Variants in TMEM132D observed in about 807,000 individuals in gnomAD.
The protein encoded by TMEM132D is transmembrane protein 132D.
In TMEM132D, 21 loss-of-function variants were observed where a neutral mutation model predicts 62.3. The observed-to-expected ratio is 0.34, with a 90% CI of 0.24 to 0.49. The LOEUF is 0.49. TMEM132D is among the 20% of genes least tolerant of loss of function. The probability of loss-of-function intolerance (pLI) is 0.99; values close to 1 mark genes in which losing one functional copy is unlikely to be tolerated. For synonymous variants in TMEM132D, 621 were observed against 575.6 expected, an observed-to-expected ratio of 1.08 and a Z score of -1.13; for missense variants, 1,346 against 1,402.8, an observed-to-expected ratio of 0.96 and a Z score of 0.65.
At chr12:129,490,521 C>T (rs570878024) in intron 3 of TMEM132D, among the ~76,000 whole-genome samples, 5 of 145,974 alleles carry the variant, frequency 3.4e-5, no homozygotes, top group Admixed American at 2.8e-4. Context: ...CTCCGCCTCC[C>T]GGGTTCACGC....
chr12:129,171,759 CT>C (rs1877737955), intron 5 of TMEM132D, among the ~76,000 whole-genome samples: 1 of 152,168 alleles, frequency 6.6e-6, no homozygotes, highest in South Asian at 2.1e-4. Flanking sequence ...AGAAGTAGAT[CT>C]CAACAGGTAG....
chr12:129,598,563 T>C (rs1360241673), intron 2 of TMEM132D, among the ~76,000 whole-genome samples: 1 of 152,158 alleles, frequency 6.6e-6, no homozygotes, highest in Non-Finnish European at 1.5e-5. Flanking sequence ...TAAGAAATGC[T>C]ATAATCCTAA....
intron 1 of TMEM132D, among the ~76,000 whole-genome samples, chr12:129,788,301 T>A (rs1871298253): frequency 6.6e-6 from 1 of 152,222 alleles, no homozygotes; most frequent in Admixed American, 6.5e-5. Flanking sequence ...CAAACTCCCC[T>A]GGGATCAATT....
intron 3 of TMEM132D, among the ~76,000 whole-genome samples, chr12:129,349,599 T>A (rs1869800291): frequency 6.6e-6 from 1 of 152,190 alleles, no homozygotes; most frequent in South Asian, 2.1e-4. Flanking sequence ...GTGTCGGGAA[T>A]AATCCAAATA....
chr12:129,828,703 G>A (rs1399761024), intron 1 of TMEM132D, among the ~76,000 whole-genome samples: 3 of 77,232 alleles, frequency 3.9e-5, no homozygotes, highest in African/African-American at 5.1e-5. Flanking sequence ...GAGGGAGGGA[G>A]GGAGAAGGAA....
At chr12:129,115,542 G>T (rs1400431439) in intron 5 of TMEM132D, among the ~76,000 whole-genome samples, 1 of 152,172 alleles carries the variant, frequency 6.6e-6, no homozygotes, top group Admixed American at 6.5e-5. Context: ...GCATATTCCT[G>T]TGTTATTAAA....
chr12:129,633,520 A>G (rs1265264999), intron 2 of TMEM132D, among the ~76,000 whole-genome samples: 1 of 152,148 alleles, frequency 6.6e-6, no homozygotes, highest in Non-Finnish European at 1.5e-5. Context: ...GCTGGTTTGT[A>G]TTTCCTCATG....
Position 129,700,825 on chromosome 12 carries a change from C to T in TMEM132D, c.80-127G>A, listed in dbSNP as rs113598584. ...TCGCGCCAATTATGCAATTCCTTATCCAAACCTCTTAATCCAATCTACTCG... is the reference window on the plus strand; with the variant it reads ...TCGCGCCAATTATGCAATTCCTTATTCAAACCTCTTAATCCAATCTACTCG... On this transcript the variant is annotated intron_variant, in intron 1 of 8. Transcript: ENST00000422113. 4.3e-4 allele frequency: 470 copies of T among 1,080,858 alleles called. No homozygotes were observed. In the African/African-American group the frequency reaches 6.7e-3, roughly 15 times the overall value. The allele number at this position is 1,080,858 out of a possible 1,614,324, so 67.0% of individuals were successfully genotyped here. A position where few individuals can be genotyped will look rare whatever the true frequency, so the allele number is the denominator to read the frequency against.
At chr12:129,839,105 C>T (rs1361019920) in intron 1 of TMEM132D, among the ~76,000 whole-genome samples, 4 of 89,430 alleles carry the variant, frequency 4.5e-5, no homozygotes, top group African/African-American at 1.6e-4. Context: ...CGTCCACCAC[C>T]ACGCCTGGCT....
At chr12:129,582,939 T>TTTTG (rs1251941785) in intron 2 of TMEM132D, among the ~76,000 whole-genome samples, 1 of 151,592 alleles carries the variant, frequency 6.6e-6, no homozygotes, top group African/African-American at 2.4e-5. Flanking sequence ...TTGTTTTTTG[T>TTTTG]TTTGTTTTGG....
At chr12:129,217,796 T>G (rs1879249449) in intron 4 of TMEM132D, among the ~76,000 whole-genome samples, 1 of 152,240 alleles carries the variant, frequency 6.6e-6, no homozygotes, top group Admixed American at 6.5e-5. Context: ...GGATTTGCGT[T>G]ACATATTGAG....
intron 3 of TMEM132D, among the ~76,000 whole-genome samples, chr12:129,345,124 T>C (rs1869640185): frequency 6.6e-6 from 1 of 152,184 alleles, no homozygotes; most frequent in South Asian, 2.1e-4. Context: ...GTCCTTCTCA[T>C]CTAAATCCTC....
At chr12:129,675,200 A>T (rs1381642509) in intron 2 of TMEM132D, among the ~76,000 whole-genome samples, 2 of 152,194 alleles carry the variant, frequency 1.3e-5, no homozygotes, top group African/African-American at 4.8e-5. Flanking sequence ...CAGCCATAAA[A>T]AAATGAGTTC....
intron 1 of TMEM132D, among the ~76,000 whole-genome samples, chr12:129,758,920 A>ATTTC (rs772327892): frequency 3.3e-5 from 5 of 150,844 alleles, no homozygotes; most frequent in East Asian, 3.9e-4. Flanking sequence ...TGTGTGTTTA[A>ATTTC]TTTCTTTCTT....
At chr12:129,759,068 G>A (rs570836740) in intron 1 of TMEM132D, among the ~76,000 whole-genome samples, 1 of 151,992 alleles carries the variant, frequency 6.6e-6, no homozygotes, top group African/African-American at 2.4e-5. Flanking sequence ...CCAGTAGCTG[G>A]GATTACAGGT....
At position 129,371,647 on chromosome 12, in the gene TMEM132D, A is replaced by T. The variant is rs1341736413; in HGVS notation, c.1116-33830T>A. 6.6e-6 allele frequency among the ~76,000 whole-genome samples: 1 copy of T among 151,604 alleles called. No homozygotes were observed. The highest frequency in any genetic ancestry group is 1.5e-5 in the Non-Finnish European group (1 of 67,902). On this transcript the variant is annotated intron_variant, in intron 3 of 8. Transcript: ENST00000422113. This position sits in a 1 kb window ranked among gnomAD's most constrained non-coding sequence, Gnocchi z 4.3. ...GGTGGTGATGGTGATGGTGGTGGTG[A>T]TGGTGATGGTTATGATGGTGTGGAT...
At chr12:129,555,914 G>C (rs1379306095) in intron 2 of TMEM132D, among the ~76,000 whole-genome samples, 2 of 152,134 alleles carry the variant, frequency 1.3e-5, no homozygotes, top group African/African-American at 4.8e-5. Context: ...TCTCTCTGTA[G>C]ATAATTTAGG....
chr12:129,430,611 T>C (rs1478321032), intron 3 of TMEM132D, among the ~76,000 whole-genome samples: 1 of 152,150 alleles, frequency 6.6e-6, no homozygotes, highest in African/African-American at 2.4e-5. Context: ...CCAGTTCTAC[T>C]CTTTAACTAG....
chr12:129,342,456 T>TA (rs1869527533), intron 3 of TMEM132D, among the ~76,000 whole-genome samples: 1 of 151,606 alleles, frequency 6.6e-6, no homozygotes, highest in African/African-American at 2.4e-5. Context: ...ATGTTAGACC[T>TA]AAAACCATAA....
Sources: allele counts gnomAD v4.1 joint callset (sites outside exome capture counted in the v4.1 genomes callset), GRCh38; gene constraint gnomAD v4.1.1; non-coding constraint Gnocchi (gnomAD v3.1); transcripts MANE v1.5; gene names NCBI Gene and HGNC (gene_info 2026-07-23, HGNC 2026-07-21).